The following SERPINA12 variants were observed in gnomAD, a reference collection of about 807,000 sequenced individuals.
SERPINA12 encodes serpin A12.
In SERPINA12, 21 loss-of-function variants were observed where a neutral mutation model predicts 25.9. That is an observed-to-expected ratio of 0.81 (90% confidence interval 0.58 to 1.17). The LOEUF is 1.17. SERPINA12 is among the 50% of genes most tolerant of loss of function. The pLI, the probability that SERPINA12 is intolerant of heterozygous loss-of-function variation, is 0.00. For missense variants in SERPINA12, 562 were observed against 508.3 expected (o/e 1.11, Z -1.02); for synonymous variants, 220 against 196.0 (o/e 1.12, Z -1.02).
At chr14:94,511,959 G>A (rs991808770), upstream of SERPINA12, among the ~76,000 whole-genome samples, 5 of 152,108 alleles carry the variant, frequency 3.3e-5, no homozygotes, top group Admixed American at 6.5e-5. Context: ...TTAGCTGGGA[G>A]TGGTGTCTCG....
At chr14:94,506,756 T>C (rs1224568911) in intron 1 of SERPINA12, among the ~76,000 whole-genome samples, 1 of 152,234 alleles carries the variant, frequency 6.6e-6, no homozygotes, top group African/African-American at 2.4e-5. Flanking sequence ...TTTGAGTTAG[T>C]TGATGCAGGA....
At chr14:94,492,502 T>C (rs1325158966) in intron 3 of SERPINA12, among the ~76,000 whole-genome samples, 1 of 152,218 alleles carries the variant, frequency 6.6e-6, no homozygotes, top group Non-Finnish European at 1.5e-5. Flanking sequence ...AAGTTTTCCC[T>C]GGCCCCCTGC....
Position 94,498,028 on chromosome 14 carries a change from T to C in SERPINA12, c.370A>G (p.Thr124Ala). The C allele has an allele frequency of 1.2e-6, 2 of 1,614,178 alleles. No homozygotes were observed. The highest frequency in any genetic ancestry group is 1.7e-6 in the Non-Finnish European group (2 of 1,180,024). Residue 124 changes from threonine to alanine, a missense_variant, in exon 2 of 5, where the codon ACC (threonine) becomes GCC (alanine). Transcript: ENST00000677451. The stretch of plus-strand genomic sequence containing the variant: ...AGTTTGAGGTCCTGGGTCTTCTGGG[T>C]CAGCTCGTGGATGATGTAATGGAAG... ...EGFHYIIHEL[T>A]QKTQDLKLSI... is the part of the protein sequence containing the mutation.
intron 2 of SERPINA12, among the ~76,000 whole-genome samples, chr14:94,515,029 C>T (rs966627945): frequency 6.6e-6 from 1 of 152,200 alleles, no homozygotes; most frequent in African/African-American, 2.4e-5. Context: ...CAGCCACACA[C>T]CTGCTGCTGG....
chr14:94,500,666 G>A (rs1900679099), intron 1 of SERPINA12, among the ~76,000 whole-genome samples: 1 of 152,130 alleles, frequency 6.6e-6, no homozygotes, highest in Non-Finnish European at 1.5e-5. Flanking sequence ...GGCAGGCAGG[G>A]ACTAACAGCA....
chr14:94,509,030 C>T (rs1901031309), intron 1 of SERPINA12, among the ~76,000 whole-genome samples: 1 of 152,102 alleles, frequency 6.6e-6, no homozygotes, highest in Admixed American at 6.5e-5. Flanking sequence ...TATAGCTGCA[C>T]AGTTAGCAGA....
chr14:94,497,567 C>T (rs954095112), intron 2 of SERPINA12, among the ~76,000 whole-genome samples, 197 bp downstream of exon 2: 1 of 152,164 alleles, frequency 6.6e-6, no homozygotes, highest in Non-Finnish European at 1.5e-5. Flanking sequence ...ATTTCACATA[C>T]ATTTTCACTT....
chr14:94,493,161 C>G (rs1455317000), intron 3 of SERPINA12, among the ~76,000 whole-genome samples: 1 of 152,192 alleles, frequency 6.6e-6, no homozygotes, highest in Non-Finnish European at 1.5e-5. Context: ...ACTGAGCTCT[C>G]TGGACTAGGC....
intron 4 of SERPINA12, among the ~76,000 whole-genome samples, chr14:94,489,291 G>A (rs1257165257): frequency 6.6e-6 from 1 of 152,136 alleles, no homozygotes; most frequent in Non-Finnish European, 1.5e-5. Flanking sequence ...AAGAAAGAAA[G>A]AAAGACGGAT....
At chr14:94,503,374 T>C (rs1188708996) in intron 1 of SERPINA12, 28 of 945,668 alleles carry the variant, frequency 3.0e-5, no homozygotes, top group Admixed American at 1.2e-4. Flanking sequence ...TTAAGAAATA[T>C]GTTTGAGTCC....
In SERPINA12 at chr14:94,487,317, G is replaced by T; in HGVS notation, c.1231C>A (p.Pro411Thr). 6.2e-7 allele frequency: 1 copy of T among 1,613,650 alleles called. No homozygotes were observed. The highest frequency in any genetic ancestry group is 8.5e-7 in the Non-Finnish European group (1 of 1,179,764). ...GGAATTCTCCTTTATTTTCCAATAG[G>T]GTTAACAATCTTTCCCAGGAAGAGC... ...SVLFLGKIVNPIGK is the reference protein window; with the variant it reads ...SVLFLGKIVNTIGK The change falls in exon 5 of 5, where the codon CCT becomes ACT. Residue 411 changes from proline to threonine, a missense_variant. Pro to Thr is a conservative substitution (Grantham distance 38). Transcript: ENST00000677451.
chr14:94,489,127 G>A (rs1900030197), intron 4 of SERPINA12, among the ~76,000 whole-genome samples: 2 of 132,670 alleles, frequency 1.5e-5, no homozygotes, highest in South Asian at 2.5e-4. Flanking sequence ...AAGGAAGGAA[G>A]GAAGGAAGAG....
chr14:94,487,471 C>T lies in SERPINA12; in HGVS notation c.1077G>A (p.Lys359=). Residue 359 remains lysine, a synonymous_variant, in exon 5 of 5, where the codon AAG becomes AAA. Transcript: ENST00000677451. ...CCCCTTCCGTACCCCTCTCATCCAT[C>T]TTCAGCTCAGCCTTGTGCACAGCCT... ...VGEAVHKAEL[K]MDERGTEGAA... 1.9e-6 allele frequency: 3 copies of T among 1,613,560 alleles called. No individual in the cohort carries two copies. Among genetic ancestry groups the T allele is most frequent in the Non-Finnish European group, 2.5e-6 (3 of 1,179,774 alleles).
chr14:94,514,484 C>T (rs191116350), intron 2 of SERPINA12, among the ~76,000 whole-genome samples: 14 of 148,504 alleles, frequency 9.4e-5, no homozygotes, highest in Non-Finnish European at 1.5e-4. Flanking sequence ...GGTGGGAGAA[C>T]AACCTTAGAA....
chr14:94,487,360 G>C lies in SERPINA12; in HGVS notation c.1188C>G (p.Ser396Arg), dbSNP rs770606904. 1.2e-6 allele frequency: 2 copies of C among 1,613,930 alleles called. No individual in the cohort carries two copies. The highest frequency in any genetic ancestry group is 2.7e-5 in the African/African-American group (2 of 74,898). Residue 396 changes from serine to arginine, a missense_variant, in exon 5 of 5, where the codon AGC becomes AGG. Physicochemically the swap from Ser to Arg is moderately radical, Grantham distance 110. Transcript: ENST00000677451. ...IDKPYLLLIY[S>R]EKIPSVLFLG... is the part of the protein sequence containing the mutation. ...GGAAGAGCACGGAAGGTATTTTCTC[G>C]CTGTAAATCAGCAGCAGATAGGGTT... is the stretch of plus-strand genomic sequence containing the variant.
At chr14:94,499,938 A>G (rs914145076) in intron 1 of SERPINA12, among the ~76,000 whole-genome samples, 3 of 152,048 alleles carry the variant, frequency 2.0e-5, no homozygotes, top group African/African-American at 7.2e-5. Context: ...TTTTCTGGAG[A>G]GGGGAGGGCA....
At chr14:94,489,130 A>G (rs1007407476) in intron 4 of SERPINA12, among the ~76,000 whole-genome samples, 1 of 149,806 alleles carries the variant, frequency 6.7e-6, no homozygotes, top group African/African-American at 2.5e-5. Flanking sequence ...GAAGGAAGGA[A>G]GGAAGAGAGA....
intron 3 of SERPINA12, among the ~76,000 whole-genome samples, chr14:94,495,622 G>A (rs959094468): frequency 6.6e-6 from 1 of 152,188 alleles, no homozygotes; most frequent in East Asian, 1.9e-4. Context: ...GGGACAAGGT[G>A]GAAGAGGGAA....
chr14:94,499,002 A>G (rs1372290917), intron 1 of SERPINA12, among the ~76,000 whole-genome samples: 1 of 152,176 alleles, frequency 6.6e-6, no homozygotes, highest in African/African-American at 2.4e-5. Context: ...ATCTGATGAC[A>G]TCTTTGGAGA....
Sources: gnomAD v4.1 joint callset for allele counts (sites outside exome capture counted in the v4.1 genomes callset) on GRCh38, gnomAD v4.1.1 for gene constraint, MANE v1.5 for transcripts, NCBI Gene and HGNC (gene_info 2026-07-23, HGNC 2026-07-21) for gene names.